The following PTPRD variants were observed in gnomAD, a reference collection of about 807,000 sequenced individuals.
PTPRD encodes protein tyrosine phosphatase receptor type D.
Under a neutral mutation model 214.5 loss-of-function variants are expected in PTPRD, and 34 were observed. The ratio of observed to expected loss-of-function variants is 0.16; its 90% CI spans 0.12 to 0.21. PTPRD has a LOEUF of 0.21. Ranked by LOEUF, PTPRD falls within the 10% of genes least tolerant of loss-of-function variation. The pLI is 1.00. For synonymous variants in PTPRD, 1,128 were observed against 845.7 expected, an observed-to-expected ratio of 1.33 and a Z score of -5.79; for missense variants, 2,545 against 2,398.7, an observed-to-expected ratio of 1.06 and a Z score of -1.27.
At chr9:10,249,056 T>C (rs2092515979) in intron 3 of PTPRD, among the ~76,000 whole-genome samples, 1 of 152,124 alleles carries the variant, frequency 6.6e-6, no homozygotes, top group Non-Finnish European at 1.5e-5. Flanking sequence ...GCAAAGATGT[T>C]TCTTCTGCAG....
intron 6 of PTPRD, among the ~76,000 whole-genome samples, chr9:9,749,764 AG>A (rs1471127122): frequency 6.6e-6 from 1 of 152,192 alleles, no homozygotes; most frequent in Non-Finnish European, 1.5e-5. Context: ...ATAAGGCAAA[AG>A]TTAGGAGTAT....
At chr9:10,374,989 T>A (rs57819597) in intron 2 of PTPRD, among the ~76,000 whole-genome samples, 2 of 151,908 alleles carry the variant, frequency 1.3e-5, no homozygotes, top group African/African-American at 4.8e-5. Context: ...TATGGAAACA[T>A]AGAAAAACTA....
intron 14 of PTPRD, among the ~76,000 whole-genome samples, chr9:8,549,793 G>C (rs1311022644): frequency 6.6e-6 from 1 of 152,052 alleles, no homozygotes; most frequent in Non-Finnish European, 1.5e-5. Flanking sequence ...GGTAGCTTAG[G>C]ATATTGAGCC....
chr9:9,642,207 T>A (rs1431295676), intron 7 of PTPRD, among the ~76,000 whole-genome samples: 1 of 137,944 alleles, frequency 7.2e-6, no homozygotes, highest in African/African-American at 2.8e-5. Flanking sequence ...TAGGTGGGAA[T>A]TGAACAATGA....
chr9:9,062,106 C>T (rs10122492), intron 10 of PTPRD, among the ~76,000 whole-genome samples: 2,441 of 152,106 alleles, frequency 0.016, 66 homozygotes, highest in African/African-American at 0.055. Flanking sequence ...TTTTATATTC[C>T]AATAGTTGAA....
chr9:9,130,092 T>C (rs1443700118), intron 10 of PTPRD, among the ~76,000 whole-genome samples: 1 of 152,198 alleles, frequency 6.6e-6, no homozygotes, highest in Admixed American at 6.5e-5. Flanking sequence ...TGTTAAGTAC[T>C]AGGGATAGAT....
intron 2 of PTPRD, among the ~76,000 whole-genome samples, chr9:10,546,637 C>T (rs766485193): frequency 6.6e-6 from 1 of 151,800 alleles, no homozygotes; most frequent in African/African-American, 2.4e-5. Context: ...CATTATATGC[C>T]TTTCTAGGAG....
intron 3 of PTPRD, among the ~76,000 whole-genome samples, chr9:10,249,277 C>T (rs970710919): frequency 6.6e-6 from 1 of 152,096 alleles, no homozygotes; most frequent in Non-Finnish European, 1.5e-5. Context: ...ACTTAGTTCT[C>T]TTTTGTGTTG....
chr9:8,336,018 A>C (rs1039036021), intron 43 of PTPRD, among the ~76,000 whole-genome samples: 2 of 152,032 alleles, frequency 1.3e-5, no homozygotes, highest in African/African-American at 4.8e-5. Flanking sequence ...AATATCGTGA[A>C]AATGGCCATA....
At chr9:9,713,653 A>T (rs1416212519) in intron 7 of PTPRD, among the ~76,000 whole-genome samples, 2 of 152,178 alleles carry the variant, frequency 1.3e-5, no homozygotes, top group East Asian at 3.8e-4. Flanking sequence ...AAATAAATGC[A>T]GAGCTTCATA....
intron 3 of PTPRD, among the ~76,000 whole-genome samples, chr9:10,111,225 G>GTTTATTTT (rs2098688277): frequency 9.7e-6 from 1 of 103,358 alleles, no homozygotes; most frequent in African/African-American, 4.1e-5. Flanking sequence ...TTCCAGTTTA[G>GTTTATTTT]TTTCTTTTTT....
chr9:9,054,291 A>G (rs1441964142), intron 10 of PTPRD, among the ~76,000 whole-genome samples: 1 of 152,192 alleles, frequency 6.6e-6, no homozygotes, highest in African/African-American at 2.4e-5. Flanking sequence ...GGAATTCAAT[A>G]TATTGAGACA....
intron 4 of PTPRD, among the ~76,000 whole-genome samples, 181 bp from the exon 5 acceptor site, chr9:9,938,791 A>G (rs1317144869): frequency 4.6e-5 from 7 of 152,156 alleles, no homozygotes; most frequent in African/African-American, 7.2e-5. Context: ...TAGCACCTGT[A>G]TAAGTCAAAG....
intron 11 of PTPRD, among the ~76,000 whole-genome samples, chr9:8,799,250 T>C (rs2096520354): frequency 6.6e-6 from 1 of 152,232 alleles, no homozygotes; most frequent in South Asian, 2.1e-4. Context: ...CCATGTTCAC[T>C]GTCCTTAAAG....
At chr9:8,723,768 C>G (rs983377932) in intron 12 of PTPRD, among the ~76,000 whole-genome samples, 3 of 152,064 alleles carry the variant, frequency 2.0e-5, no homozygotes, top group Middle Eastern at 3.4e-3. Context: ...ATATGTTTCT[C>G]TATATATTTA....
intron 3 of PTPRD, among the ~76,000 whole-genome samples, chr9:10,082,246 G>T (rs1567561792): frequency 6.6e-6 from 1 of 152,234 alleles, no homozygotes; most frequent in East Asian, 1.9e-4. Context: ...GTGTTTGATT[G>T]ATTAGTTGGT....
chr9:9,180,157 T>C (rs925287440), intron 10 of PTPRD, among the ~76,000 whole-genome samples: 1 of 151,558 alleles, frequency 6.6e-6, no homozygotes, highest in Non-Finnish European at 1.5e-5. Flanking sequence ...CGTATGTTTA[T>C]TGCGGCACTA....
Position 10,433,536 on chromosome 9 carries a change from G to A in PTPRD, c.-599-92519C>T, listed in dbSNP as rs547163745. Among the ~76,000 whole-genome samples the A allele has an allele frequency of 6.6e-5, 10 of 152,066 alleles. No individual in the cohort carries two copies. The East Asian group carries it at 1.7e-3, about 27-fold the overall frequency. On this transcript the variant is annotated intron_variant, in intron 2 of 45. Coordinates refer to ENST00000381196, the MANE Select transcript of PTPRD (RefSeq NM_002839.4). ...ATTATTATTCTGATTCACCTAGGAA[G>A]AAATATGCTCTTATGTCATCTGTCT...
intron 10 of PTPRD, among the ~76,000 whole-genome samples, chr9:9,111,177 T>C: frequency 6.6e-6 from 1 of 150,602 alleles, no homozygotes; most frequent in South Asian, 2.1e-4. Context: ...TGAAGCTGAG[T>C]TTCAAAGGAT....
Sources: gnomAD v4.1 joint callset for allele counts (sites outside exome capture counted in the v4.1 genomes callset) on GRCh38, gnomAD v4.1.1 for gene constraint, MANE v1.5 for transcripts, NCBI Gene and HGNC (gene_info 2026-07-23, HGNC 2026-07-21) for gene names.